Variants in SORCS3 observed in about 807,000 individuals in gnomAD.
SORCS3 encodes the protein sortilin related VPS10 domain containing receptor 3, also known as VPS10 domain-containing receptor SorCS3.
A neutral mutation model predicts 146.3 loss-of-function variants in SORCS3; 57 were observed. The ratio of observed to expected loss-of-function variants is 0.39; its 90% CI spans 0.31 to 0.49. The LOEUF (loss-of-function observed/expected upper bound fraction) is 0.49, where lower values mean the gene tolerates loss of function less well. Ranked by LOEUF, SORCS3 falls within the 20% of genes least tolerant of loss-of-function variation. The pLI is 0.92. For synonymous variants in SORCS3, 653 were observed against 618.5 expected, an observed-to-expected ratio of 1.06 and a Z score of -0.83; for missense variants, 1,341 against 1,575.5, an observed-to-expected ratio of 0.85 and a Z score of 2.52.
chr10:104,964,587 A>T (rs1416412218), intron 3 of SORCS3, among the ~76,000 whole-genome samples: 1 of 152,176 alleles, frequency 6.6e-6, no homozygotes, highest in African/African-American at 2.4e-5. Context: ...GCATGGAGTA[A>T]GGCCTCAGTC....
At chr10:105,200,740 G>A (rs1003435365) in intron 15 of SORCS3, among the ~76,000 whole-genome samples, 1 of 152,186 alleles carries the variant, frequency 6.6e-6, no homozygotes, top group African/African-American at 2.4e-5. Flanking sequence ...TGAAGACCAT[G>A]TGAAAAATGT....
At chr10:104,937,535 C>T (rs568919519) in intron 3 of SORCS3, among the ~76,000 whole-genome samples, 34 of 152,172 alleles carry the variant, frequency 2.2e-4, no homozygotes, top group East Asian at 7.7e-4. Context: ...TCATCATGGC[C>T]GAAAGCTCAC....
chr10:105,134,692 T>C (rs1180906735), intron 7 of SORCS3, among the ~76,000 whole-genome samples: 1 of 152,178 alleles, frequency 6.6e-6, no homozygotes, highest in Non-Finnish European at 1.5e-5. Context: ...GCAATGGGGA[T>C]TAAGTTTCAA....
intron 6 of SORCS3, among the ~76,000 whole-genome samples, chr10:105,100,758 ATC>A (rs1429104576): frequency 2.6e-5 from 4 of 152,258 alleles, no homozygotes; most frequent in Non-Finnish European, 5.9e-5. Context: ...TATAAATTGA[ATC>A]TGTAAAAGAT....
intron 1 of SORCS3, among the ~76,000 whole-genome samples, chr10:104,717,107 A>G (rs903501842): frequency 6.6e-6 from 1 of 152,150 alleles, no homozygotes; most frequent in African/African-American, 2.4e-5. Context: ...CAGGCGGCAT[A>G]GCAAGGCCTC....
intron 4 of SORCS3, among the ~76,000 whole-genome samples, chr10:104,986,202 A>C (rs938725834): frequency 1.3e-5 from 2 of 152,218 alleles, no homozygotes; most frequent in South Asian, 4.1e-4. Context: ...CTCCATCAGC[A>C]CTTGCTGCTT....
intron 25 of SORCS3, 81 bp from the exon 26 acceptor site, chr10:105,262,250 C>G: frequency 7.7e-7 from 1 of 1,305,820 alleles, no homozygotes; most frequent in Non-Finnish European, 1.1e-6. Flanking sequence ...CTTCTTCCTC[C>G]CCTTATCCCC....
intron 4 of SORCS3, among the ~76,000 whole-genome samples, chr10:104,979,360 C>T (rs898931473): frequency 2.0e-5 from 3 of 152,144 alleles, no homozygotes; most frequent in Non-Finnish European, 2.9e-5. Flanking sequence ...TCTCCAGAAT[C>T]GTACTACAGT....
rs1035672751 is a variant in SORCS3, at chr10:104,783,684, G to A, written c.628-59108G>A. ...GGAGGTTGCAGTGAACCAAGATTGC[G>A]CCATTGCACTCCATCCTGGGCAACA... On this transcript the variant is annotated intron_variant, in intron 1 of 26. Transcript: ENST00000369701. 3.3e-5 allele frequency among the ~76,000 whole-genome samples: 5 copies of A among 152,208 alleles called. 1 individual carries two copies. The highest frequency in any genetic ancestry group is 1.9e-4 in the East Asian group (1 of 5,170).
At chr10:105,210,350 G>A (rs1386696340) in intron 16 of SORCS3, among the ~76,000 whole-genome samples, 1 of 152,152 alleles carries the variant, frequency 6.6e-6, no homozygotes, top group Admixed American at 6.5e-5. Flanking sequence ...CATGAATTCA[G>A]CCAAGTGAAG....
intron 7 of SORCS3, among the ~76,000 whole-genome samples, chr10:105,108,814 A>G (rs1474091902): frequency 6.6e-6 from 1 of 152,206 alleles, no homozygotes; most frequent in Non-Finnish European, 1.5e-5. Flanking sequence ...AAGAATGCCA[A>G]TGAGTTGCAG....
chr10:105,233,907 T>A (rs1282122074), intron 20 of SORCS3, among the ~76,000 whole-genome samples: 1 of 152,188 alleles, frequency 6.6e-6, no homozygotes, highest in Non-Finnish European at 1.5e-5. Context: ...TGATTTATAA[T>A]CCTTTGGGTA....
chr10:104,795,337 T>A (rs759813425), intron 1 of SORCS3, among the ~76,000 whole-genome samples: 36 of 152,190 alleles, frequency 2.4e-4, no homozygotes, highest in Non-Finnish European at 4.4e-4. Flanking sequence ...TTACATTTAT[T>A]ATGTAATTTA....
intron 3 of SORCS3, among the ~76,000 whole-genome samples, chr10:104,951,592 A>G (rs1237072410): frequency 6.6e-6 from 1 of 151,986 alleles, no homozygotes; most frequent in Non-Finnish European, 1.5e-5. Flanking sequence ...CAGTCCTCTC[A>G]CCTCAACCTC....
intron 4 of SORCS3, among the ~76,000 whole-genome samples, chr10:104,993,328 A>G (rs765430606): frequency 2.6e-5 from 4 of 152,166 alleles, no homozygotes; most frequent in Admixed American, 6.5e-5. Flanking sequence ...TGCTTTTCTG[A>G]CATTTTGCCT....
chr10:104,663,043 C>G (rs1386249503), intron 1 of SORCS3, among the ~76,000 whole-genome samples: 1 of 152,138 alleles, frequency 6.6e-6, no homozygotes, highest in Non-Finnish European at 1.5e-5. Context: ...CAGCAGAAGC[C>G]CACACTGCCG....
rs2016247752 is a variant in SORCS3, at chr10:104,698,860, G to T, written c.627+56906G>T. Among the ~76,000 whole-genome samples, 5 of 152,182 alleles carry T rather than the reference G, an allele frequency of 3.3e-5. No individual in the cohort carries two copies. The South Asian group carries it at 1.0e-3, about 32-fold the overall frequency. ...TCCCTAGGATTTTGGGGAAAGTAGG[G>T]TCACTGTGGGATGGAGGAGTCAAGG... On this transcript the variant is annotated intron_variant, in intron 1 of 26. Transcript: ENST00000369701.
intron 2 of SORCS3, among the ~76,000 whole-genome samples, chr10:104,858,001 G>A (rs572730890): frequency 6.6e-6 from 1 of 152,192 alleles, no homozygotes; most frequent in East Asian, 1.9e-4. Flanking sequence ...CTTCATATTG[G>A]CATCCTCTTC....
intron 3 of SORCS3, among the ~76,000 whole-genome samples, chr10:104,933,935 C>T (rs535497801): frequency 5.3e-5 from 8 of 152,292 alleles, no homozygotes; most frequent in Middle Eastern, 3.4e-3. Context: ...GCTGGGACTA[C>T]AGGCATGCAC....
Sources: gnomAD v4.1 joint callset for allele counts (sites outside exome capture counted in the v4.1 genomes callset) on GRCh38, gnomAD v4.1.1 for gene constraint, MANE v1.5 for transcripts, NCBI Gene and HGNC (gene_info 2026-07-23, HGNC 2026-07-21) for gene names.